PCDH7: variants seen among roughly 807,000 people sequenced by gnomAD.
The protein encoded by PCDH7 is protocadherin-7.
PCDH7 carries 17 observed loss-of-function variants against 58.9 expected under a neutral mutation model. The ratio of observed to expected loss-of-function variants is 0.29; its 90% CI spans 0.20 to 0.43. PCDH7 has a LOEUF of 0.43. Among genes scored for constraint, PCDH7 ranks in the 20% least tolerant of loss-of-function variants. The pLI, the probability that PCDH7 is intolerant of heterozygous loss-of-function variation, is 1.00. For missense variants in PCDH7, 1,274 were observed against 1,441.0 expected, an observed-to-expected ratio of 0.88 and a Z score of 1.88; for synonymous variants, 664 against 616.4, an observed-to-expected ratio of 1.08 and a Z score of -1.14.
chr4:30,725,258 AT>A, intron 1 of PCDH7: 1 of 986,420 alleles, frequency 1.0e-6, no homozygotes, highest in Non-Finnish European at 1.2e-6. Context: ...TTCTATAATG[AT>A]ATGCAATTAC....
chr4:30,805,847 C>T (rs1186130872), intron 1 of PCDH7, among the ~76,000 whole-genome samples: 1 of 152,200 alleles, frequency 6.6e-6, no homozygotes, highest in African/African-American at 2.4e-5. Context: ...CACTTCTATG[C>T]TTCTTACAAT....
intron 1 of PCDH7, among the ~76,000 whole-genome samples, chr4:30,876,326 G>C (rs958555289): frequency 1.3e-5 from 2 of 151,372 alleles, no homozygotes; most frequent in South Asian, 2.1e-4. Context: ...GGGGCTTAAC[G>C]TACATAAAAT....
intron 3 of PCDH7, among the ~76,000 whole-genome samples, chr4:31,132,835 A>G (rs535423809): frequency 6.6e-6 from 1 of 152,292 alleles, no homozygotes; most frequent in South Asian, 2.1e-4. Flanking sequence ...GTTTGAAGCA[A>G]ATGTTGAACA....
At chr4:30,938,928 G>A (rs1745696001) in intron 2 of PCDH7, among the ~76,000 whole-genome samples, 1 of 152,082 alleles carries the variant, frequency 6.6e-6, no homozygotes, top group Non-Finnish European at 1.5e-5. Flanking sequence ...CCAGAGCAAA[G>A]TGTGTCCTTA....
chr4:30,775,581 C>CTG (rs1721951768), intron 1 of PCDH7, among the ~76,000 whole-genome samples: 1 of 152,058 alleles, frequency 6.6e-6, no homozygotes, highest in Non-Finnish European at 1.5e-5. Context: ...AATTTTGCTT[C>CTG]TGTTGTGCTT....
At chr4:30,794,371 C>T (rs1724519016) in intron 1 of PCDH7, among the ~76,000 whole-genome samples, 1 of 152,182 alleles carries the variant, frequency 6.6e-6, no homozygotes, top group African/African-American at 2.4e-5. Context: ...TGTTTTAGGA[C>T]TGTATAATTA....
In PCDH7 at chr4:30,721,770, G is replaced by A. The variant is rs372585311; in HGVS notation, c.348G>A (p.Val116=). ...GCTTCCTGGACTTCGAGGTGTCGGT[G>A]ATCGGGCCCTCGCAGAGCTGGGTGG... The change falls in exon 1 of 2, where the codon GTG becomes GTA. Residue 116 remains valine (V), a synonymous_variant. Coordinates refer to ENST00000361762, the Ensembl canonical transcript of PCDH7. The surrounding 1 kb of genome is among the most constrained non-coding windows in gnomAD (Gnocchi z 6.7). 1.2e-6 allele frequency: 2 copies of A among 1,613,682 alleles called. No individual in the cohort carries two copies. Among genetic ancestry groups the A allele is most frequent in the African/African-American group, 2.7e-5 (2 of 74,924 alleles).
At chr4:31,113,061 T>A (rs1288768403) in intron 3 of PCDH7, among the ~76,000 whole-genome samples, 3 of 152,116 alleles carry the variant, frequency 2.0e-5, no homozygotes, top group African/African-American at 7.2e-5. Context: ...AGCAAGCAGG[T>A]CTAACCATTG....
intron 3 of PCDH7, among the ~76,000 whole-genome samples, chr4:31,103,863 C>T (rs1033903255): frequency 6.6e-6 from 1 of 152,136 alleles, no homozygotes; most frequent in Admixed American, 6.5e-5. Context: ...TGAACACCAC[C>T]AACTGCTTTC....
intron 3 of PCDH7, among the ~76,000 whole-genome samples, chr4:30,981,686 T>G (rs1750582737): frequency 6.6e-6 from 1 of 152,190 alleles, no homozygotes; most frequent in Admixed American, 6.5e-5. Flanking sequence ...CTTCCAAGAA[T>G]AATAAAGGAT....
chr4:31,074,806 A>AAAAAAAAAAAAAAAAAAAAC (rs1758847173), intron 3 of PCDH7, among the ~76,000 whole-genome samples: 1 of 150,530 alleles, frequency 6.6e-6, no homozygotes, highest in African/African-American at 2.5e-5. Context: ...AAAAAAAAAA[A>AAAAAAAAAAAAAAAAAAAAC]AGCTGTATTT....
chr4:31,039,500 G>T (rs960834181), intron 3 of PCDH7, among the ~76,000 whole-genome samples: 1 of 152,042 alleles, frequency 6.6e-6, no homozygotes, highest in Admixed American at 6.6e-5. Flanking sequence ...GAGCTCACAC[G>T]ATCCTCCTTC....
chr4:30,972,880 C>T (rs1482622902), intron 3 of PCDH7, among the ~76,000 whole-genome samples: 2 of 152,148 alleles, frequency 1.3e-5, no homozygotes, highest in Non-Finnish European at 2.9e-5. Context: ...AAACTTTAGC[C>T]CTCACCACCT....
chr4:30,876,119 C>T (rs1036967190), intron 1 of PCDH7, among the ~76,000 whole-genome samples: 1 of 152,050 alleles, frequency 6.6e-6, no homozygotes, highest in African/African-American at 2.4e-5. Context: ...TTTCCTCCAC[C>T]TAATTCCTGG....
At chr4:31,001,285 G>A (rs935308508) in intron 3 of PCDH7, among the ~76,000 whole-genome samples, 4 of 151,982 alleles carry the variant, frequency 2.6e-5, no homozygotes, top group Non-Finnish European at 4.4e-5. Flanking sequence ...CATTTTGTAG[G>A]TATGAGTGCT....
intron 1 of PCDH7, among the ~76,000 whole-genome samples, chr4:30,828,550 A>C (rs943881070): frequency 1.3e-5 from 2 of 151,960 alleles, no homozygotes; most frequent in Non-Finnish European, 2.9e-5. Context: ...ATGAAATCTA[A>C]TTAGAGTGAT....
Position 30,955,520 on chromosome 4 carries a change from T to C in PCDH7, c.*7+5305T>C, listed in dbSNP as rs12501573. 6.8e-4 allele frequency among the ~76,000 whole-genome samples: 63 copies of C among 93,048 alleles called. No individual in the cohort carries two copies. In the East Asian group the frequency reaches 7.3e-3, roughly 11 times the overall value. The allele number at this position is 93,048 out of a possible 152,430, so 61.0% of individuals were successfully genotyped here. A position where few individuals can be genotyped will look rare whatever the true frequency, so the allele number is the denominator to read the frequency against. Reference sequence around the variant, plus strand: ...TATTGTATTTTATTTTATTTTATTTTATTTCATTTTATTTTATTTCATTTT... The same window carrying C: ...TATTGTATTTTATTTTATTTTATTTCATTTCATTTTATTTTATTTCATTTT... On this transcript the variant is annotated intron_variant, in intron 3 of 3. Transcript: ENST00000509759.
At chr4:31,084,345 A>G (rs1034814177) in intron 3 of PCDH7, among the ~76,000 whole-genome samples, 4 of 152,184 alleles carry the variant, frequency 2.6e-5, no homozygotes, top group Non-Finnish European at 4.4e-5. Flanking sequence ...ATTTTTCTGC[A>G]TTATAGACGA....
At chr4:30,852,192 G>A (rs1175246663) in intron 1 of PCDH7, among the ~76,000 whole-genome samples, 3 of 152,012 alleles carry the variant, frequency 2.0e-5, no homozygotes, top group South Asian at 2.1e-4. Flanking sequence ...TTATATTTAA[G>A]AGACTATGAC....
Sources: allele counts gnomAD v4.1 joint callset (sites outside exome capture counted in the v4.1 genomes callset), GRCh38; gene constraint gnomAD v4.1.1; non-coding constraint Gnocchi (gnomAD v3.1); transcripts MANE v1.5; gene names NCBI Gene and HGNC (gene_info 2026-07-23, HGNC 2026-07-21).